The following TTC27 variants were observed in gnomAD, a reference collection of about 807,000 sequenced individuals.
The protein encoded by TTC27 is tetratricopeptide repeat protein 27.
TTC27 carries 79 observed loss-of-function variants against 115.9 expected under a neutral mutation model. The ratio of observed to expected loss-of-function variants is 0.68; its 90% CI spans 0.57 to 0.82. The LOEUF (loss-of-function observed/expected upper bound fraction) is 0.82, where lower values mean the gene tolerates loss of function less well. Among genes scored for constraint, TTC27 ranks in the 40% least tolerant of loss-of-function variants. The pLI is 0.00. For missense variants in TTC27, 1,054 were observed against 993.1 expected, an observed-to-expected ratio of 1.06 and a Z score of -0.82; for synonymous variants, 401 against 356.0, an observed-to-expected ratio of 1.13 and a Z score of -1.42.
intron 4 of TTC27, among the ~76,000 whole-genome samples, chr2:32,642,153 G>A (rs779222281): frequency 1.6e-4 from 25 of 151,826 alleles, no homozygotes; most frequent in Non-Finnish European, 1.2e-4. Flanking sequence ...CACTGTGCCC[G>A]GCCCAAGCAT....
intron 11 of TTC27, among the ~76,000 whole-genome samples, chr2:32,735,128 T>C (rs998744591): frequency 6.6e-6 from 1 of 152,194 alleles, no homozygotes; most frequent in African/African-American, 2.4e-5. Context: ...TTATAAGACT[T>C]CTTAAAGTAG....
chr2:32,751,686 G>C (rs1669023854), intron 12 of TTC27, among the ~76,000 whole-genome samples: 1 of 152,146 alleles, frequency 6.6e-6, no homozygotes, highest in Non-Finnish European at 1.5e-5. Flanking sequence ...ATTTCCCCAG[G>C]ATACAATTAT....
intron 3 of TTC27, among the ~76,000 whole-genome samples, chr2:32,636,964 T>G (rs1475262750): frequency 6.6e-6 from 1 of 152,204 alleles, no homozygotes; most frequent in Non-Finnish European, 1.5e-5. Context: ...TGAACTTGCC[T>G]CTTTTAGCAG....
intron 3 of TTC27, among the ~76,000 whole-genome samples, chr2:32,636,109 C>T (rs570089258): frequency 6.6e-6 from 1 of 152,314 alleles, no homozygotes; most frequent in Non-Finnish European, 1.5e-5. Context: ...GAATCAGTTT[C>T]TGGCTTCTAT....
intron 10 of TTC27, among the ~76,000 whole-genome samples, chr2:32,730,526 C>G (rs1474110583): frequency 7.1e-6 from 1 of 141,108 alleles, no homozygotes; most frequent in Non-Finnish European, 1.5e-5. Flanking sequence ...ATGTCCCTGT[C>G]TTTTTAGTAA....
intron 12 of TTC27, among the ~76,000 whole-genome samples, chr2:32,756,531 C>G (rs1034186594): frequency 6.6e-6 from 1 of 152,150 alleles, no homozygotes; most frequent in Non-Finnish European, 1.5e-5. Context: ...CATACACAAC[C>G]TGAACTATAT....
intron 12 of TTC27, among the ~76,000 whole-genome samples, chr2:32,747,563 C>T (rs780901097): frequency 9.2e-5 from 14 of 152,078 alleles, no homozygotes; most frequent in Admixed American, 2.0e-4. Context: ...TGCTATGGTA[C>T]CATTGTAAAT....
At chr2:32,730,467 G>A (rs182313424) in intron 10 of TTC27, among the ~76,000 whole-genome samples, 38 of 151,908 alleles carry the variant, frequency 2.5e-4, no homozygotes, top group Admixed American at 4.6e-4. Context: ...TTCAGATTGC[G>A]TTGCTAGAAA....
intron 12 of TTC27, 68 bp from the exon 13 acceptor site, chr2:32,758,224 A>T: frequency 2.2e-6 from 3 of 1,386,602 alleles, no homozygotes; most frequent in African/African-American, 1.5e-5. Flanking sequence ...TTAAAGATGT[A>T]TATGTGCTAA....
At chr2:32,655,531 A>G (rs1365911666) in intron 5 of TTC27, among the ~76,000 whole-genome samples, 1 of 152,210 alleles carries the variant, frequency 6.6e-6, no homozygotes, top group Non-Finnish European at 1.5e-5. Context: ...ACCAAGGTTC[A>G]CTTCCTTATA....
At chr2:32,742,410 A>G (rs1668676082) in intron 12 of TTC27, among the ~76,000 whole-genome samples, 1 of 152,222 alleles carries the variant, frequency 6.6e-6, no homozygotes, top group South Asian at 2.1e-4. Context: ...TTGGACCTGG[A>G]GTATTTATGT....
intron 12 of TTC27, among the ~76,000 whole-genome samples, chr2:32,754,536 G>A (rs1669135956): frequency 6.7e-6 from 1 of 148,994 alleles, no homozygotes; most frequent in South Asian, 2.2e-4. Flanking sequence ...AGTCTCCCAT[G>A]TCTACTTCTT....
intron 4 of TTC27, among the ~76,000 whole-genome samples, chr2:32,644,515 A>T (rs983385352): frequency 2.6e-5 from 4 of 152,130 alleles, no homozygotes; most frequent in African/African-American, 9.7e-5. Flanking sequence ...ACAACTTTTG[A>T]CTTCTGCTTA....
At chr2:32,688,432 A>G (rs533489866) in intron 9 of TTC27, among the ~76,000 whole-genome samples, 1 of 152,284 alleles carries the variant, frequency 6.6e-6, no homozygotes, top group East Asian at 1.9e-4. Context: ...ATTGGACTTT[A>G]TTAACATTAA....
intron 18 of TTC27, 69 bp downstream of exon 18, chr2:32,812,684 G>A: frequency 2.6e-6 from 3 of 1,164,564 alleles, no homozygotes; most frequent in Non-Finnish European, 2.6e-6. Flanking sequence ...AAAGAGTGTT[G>A]GTCAAAAGTA....
intron 10 of TTC27, among the ~76,000 whole-genome samples, chr2:32,711,794 A>C (rs1225619663): frequency 1.3e-5 from 2 of 151,856 alleles, no homozygotes; most frequent in African/African-American, 4.8e-5. Context: ...ACAAAAATTA[A>C]CTGGGCGTGG....
chr2:32,630,812 CT>C (rs1664159680), intron 2 of TTC27, 112 bp downstream of exon 2: 1 of 953,190 alleles, frequency 1.0e-6, no homozygotes, highest in Non-Finnish European at 1.5e-6. Context: ...TTATATTTTA[CT>C]CAAGACTCAT....
At position 32,699,221 on chromosome 2, in the gene TTC27, G is replaced by A. The variant is rs544958416; in HGVS notation, c.1120-3586G>A. ...CTAGATGCAGTTATAAAGAATCACT[G>A]GATAGAGATGGAGTCACTTAGATGA... On this transcript the variant is annotated intron_variant, in intron 9 of 19. Transcript: ENST00000317907. Among the ~76,000 whole-genome samples, 7 of 152,300 alleles carry A rather than the reference G, an allele frequency of 4.6e-5. No homozygotes were observed. The South Asian group carries it at 1.2e-3, about 27-fold the overall frequency.
At chr2:32,706,077 C>CTTTTTTTTTTTTTT (rs148953090) in intron 10 of TTC27, among the ~76,000 whole-genome samples, 1 of 53,220 alleles carries the variant, frequency 1.9e-5, no homozygotes, top group African/African-American at 9.1e-5. Context: ...TTACCTTACT[C>CTTTTTTTTTTTTTT]TTTTTTTTTT....
Sources: gnomAD v4.1 joint callset for allele counts (sites outside exome capture counted in the v4.1 genomes callset) on GRCh38, gnomAD v4.1.1 for gene constraint, MANE v1.5 for transcripts, NCBI Gene and HGNC (gene_info 2026-07-23, HGNC 2026-07-21) for gene names.